The following XXYLT1 variants were observed in gnomAD, a reference collection of about 807,000 sequenced individuals.
XXYLT1 encodes xyloside xylosyltransferase 1.
A neutral mutation model predicts 28.9 loss-of-function variants in XXYLT1; 20 were observed. The ratio of observed to expected loss-of-function variants is 0.69; its 90% confidence interval spans 0.49 to 1.00. The LOEUF is 1.00. Ranked by LOEUF, XXYLT1 falls within the 50% of genes least tolerant of loss-of-function variation. The pLI is 0.00. For synonymous variants in XXYLT1, 257 were observed against 253.8 expected, an observed-to-expected ratio of 1.01 and a Z score of -0.12; for missense variants, 542 against 560.1, an observed-to-expected ratio of 0.97 and a Z score of 0.33.
intron 2 of XXYLT1, among the ~76,000 whole-genome samples, chr3:195,205,411 G>T (rs1723029378): frequency 6.6e-6 from 1 of 152,178 alleles, no homozygotes; most frequent in South Asian, 2.1e-4. Context: ...TATCTCAAAA[G>T]GTTACATACT....
intron 2 of XXYLT1, chr3:195,175,684 T>TAGC: frequency 6.5e-7 from 1 of 1,536,168 alleles, no homozygotes; most frequent in Non-Finnish European, 8.7e-7. Flanking sequence ...GACTAGCTCC[T>TAGC]GGCTGATGGA....
chr3:195,159,021 T>C (rs1033545536), intron 2 of XXYLT1, among the ~76,000 whole-genome samples: 4 of 152,172 alleles, frequency 2.6e-5, no homozygotes, highest in Non-Finnish European at 4.4e-5. Context: ...GCAGAGAAGA[T>C]GCTGGTTGGA....
rs114593037 is a variant in XXYLT1 at position 195,115,421 on chromosome 3, C to T, written c.785+41028G>A. Among the ~76,000 whole-genome samples the T allele has an allele frequency of 9.2e-3, 1,407 of 152,272 alleles. 23 individuals are homozygous for T. The highest frequency in any genetic ancestry group is 0.031 in the African/African-American group (1,295 of 41,550). On this transcript the variant is annotated intron_variant, in intron 3 of 3. Coordinates refer to ENST00000310380, the MANE Select transcript of XXYLT1 (RefSeq NM_152531.5). This position sits in a 1 kb window ranked among gnomAD's most constrained non-coding sequence, Gnocchi z 4.2. ...GCTGCTTCTGAACTAGCCAGGAGTC[C>T]TTCAAAAGGCCCAGCCGGAAACCTG... is the stretch of plus-strand genomic sequence containing the variant.
intron 2 of XXYLT1, among the ~76,000 whole-genome samples, chr3:195,189,814 A>C (rs1463298759): frequency 2.0e-5 from 3 of 152,226 alleles, no homozygotes; most frequent in Non-Finnish European, 4.4e-5. Flanking sequence ...AAAATTTCCC[A>C]AACTTGATGT....
intron 3 of XXYLT1, among the ~76,000 whole-genome samples, chr3:195,110,213 CGTGT>C (rs1394595190): frequency 1.7e-3 from 6 of 3,452 alleles, no homozygotes; most frequent in African/African-American, 3.3e-3. Context: ...GTGGTGTGTG[CGTGT>C]GTGGTGTATA....
chr3:195,117,667 C>T (rs1313646609), intron 3 of XXYLT1, among the ~76,000 whole-genome samples: 1 of 152,148 alleles, frequency 6.6e-6, no homozygotes, highest in Non-Finnish European at 1.5e-5. Context: ...CGCACACATG[C>T]ATGCACACAT....
At position 195,270,884 on chromosome 3, in the gene XXYLT1, G is replaced by A; in HGVS notation, c.175C>T (p.Arg59Cys). 1 of 1,432,220 alleles carries A rather than the reference G, an allele frequency of 7.0e-7. No homozygotes were observed. Among genetic ancestry groups the A allele is most frequent in the Non-Finnish European group, 9.1e-7 (1 of 1,095,786 alleles). 88.7% of individuals were successfully genotyped at this position (1,432,220 alleles called of 1,614,324 possible). A position where few individuals can be genotyped will look rare whatever the true frequency, so the allele number is the denominator to read the frequency against. Reference sequence around the variant, plus strand: ...GAGGGCGCGGCGGGAGCCCCGGCGCGGGCCTCCTTCAGCCTCTTGGTGGCG... The same window carrying A: ...GAGGGCGCGGCGGGAGCCCCGGCGCAGGCCTCCTTCAGCCTCTTGGTGGCG... The part of the protein sequence containing the change: ...SSATKRLKEA[R>C]AGAPAAPSPP... Residue 59 changes from arginine to cysteine, a missense_variant, in exon 1 of 4, where the codon CGC becomes TGC. By Grantham distance (180) the Arg-to-Cys change is radical (BLOSUM62 -3). Coordinates refer to ENST00000310380, the MANE Select transcript of XXYLT1 (RefSeq NM_152531.5).
intron 3 of XXYLT1, among the ~76,000 whole-genome samples, chr3:195,136,303 C>T (rs746060563): frequency 1.7e-4 from 26 of 152,168 alleles, no homozygotes; most frequent in Non-Finnish European, 3.1e-4. Flanking sequence ...CTTTAACATA[C>T]ACCTGTATAC....
chr3:195,146,418 G>A (rs868331442), intron 3 of XXYLT1, among the ~76,000 whole-genome samples: 4 of 152,214 alleles, frequency 2.6e-5, no homozygotes, highest in East Asian at 1.9e-4. Flanking sequence ...ACAGTCCTGC[G>A]GGCCCATCAT....
At chr3:195,203,929 A>G (rs1340093832) in intron 2 of XXYLT1, among the ~76,000 whole-genome samples, 1 of 152,200 alleles carries the variant, frequency 6.6e-6, no homozygotes, top group Non-Finnish European at 1.5e-5. Flanking sequence ...CTGATAACCA[A>G]CTGAGGAAAT....
chr3:195,211,255 G>A (rs140604112), intron 2 of XXYLT1, among the ~76,000 whole-genome samples: 5,897 of 152,090 alleles, frequency 0.039, 157 homozygotes, highest in Non-Finnish European at 0.058. Context: ...TTAGCCGGGC[G>A]TGGTGGCTCA....
At chr3:195,213,167 T>C (rs1723403770) in intron 2 of XXYLT1, among the ~76,000 whole-genome samples, 2 of 152,058 alleles carry the variant, frequency 1.3e-5, no homozygotes, top group Admixed American at 1.3e-4. Context: ...TAGCTTTGGC[T>C]GGAAGGTGAG....
intron 2 of XXYLT1, among the ~76,000 whole-genome samples, chr3:195,219,642 G>C (rs1416432472): frequency 6.6e-6 from 1 of 152,210 alleles, no homozygotes; most frequent in Non-Finnish European, 1.5e-5. Flanking sequence ...GAAGCATCCA[G>C]TGTCAACTAC....
intron 3 of XXYLT1, among the ~76,000 whole-genome samples, chr3:195,083,843 C>T (rs1270025508): frequency 1.3e-5 from 2 of 152,050 alleles, no homozygotes; most frequent in Non-Finnish European, 2.9e-5. Flanking sequence ...CCGGCCAACA[C>T]AGCAAAACTC....
chr3:195,256,459 C>G lies in XXYLT1; in HGVS notation c.504+14096G>C. 2 of 985,086 alleles carry G rather than the reference C, an allele frequency of 2.0e-6. 1 individual carries two copies. Among genetic ancestry groups the G allele is most frequent in the African/African-American group, 3.5e-5 (2 of 57,354 alleles). The allele number at this position is 985,086 out of a possible 1,614,324, so 61.0% of individuals were successfully genotyped here. The stretch of plus-strand genomic sequence containing the variant: ...ACAGGGCAGGGCCCGAGAAACGAAC[C>G]AGTACCTCCCAGAGGACGGAAGGGA... On this transcript the variant is annotated intron_variant, in intron 1 of 3. Coordinates refer to ENST00000310380, the MANE Select transcript of XXYLT1 (RefSeq NM_152531.5). The surrounding 1 kb of genome is among the most constrained non-coding windows in gnomAD (Gnocchi z 4.2).
At chr3:195,117,660 A>G (rs1718119905) in intron 3 of XXYLT1, among the ~76,000 whole-genome samples, 2 of 152,170 alleles carry the variant, frequency 1.3e-5, no homozygotes, top group Admixed American at 1.3e-4. Context: ...TCTCTCACGC[A>G]CACATGCATG....
intron 2 of XXYLT1, among the ~76,000 whole-genome samples, chr3:195,177,036 G>T (rs1193498053): frequency 6.6e-6 from 1 of 152,188 alleles, no homozygotes; most frequent in African/African-American, 2.4e-5. Context: ...ACCAGCCAGG[G>T]GTTACTCCAG....
intron 2 of XXYLT1, among the ~76,000 whole-genome samples, chr3:195,214,515 C>A (rs1475654631): frequency 6.6e-6 from 1 of 152,124 alleles, no homozygotes; most frequent in Non-Finnish European, 1.5e-5. Context: ...TGGGAACCAG[C>A]ATGCACCGTC....
intron 3 of XXYLT1, among the ~76,000 whole-genome samples, chr3:195,120,689 G>A (rs1223702457): frequency 6.6e-6 from 1 of 152,214 alleles, no homozygotes; most frequent in African/African-American, 2.4e-5. Context: ...CTCTGAGAGT[G>A]AAACCCATTT....
Sources: allele counts gnomAD v4.1 joint callset (sites outside exome capture counted in the v4.1 genomes callset), GRCh38; gene constraint gnomAD v4.1.1; non-coding constraint Gnocchi (gnomAD v3.1); transcripts MANE v1.5; gene names NCBI Gene and HGNC (gene_info 2026-07-23, HGNC 2026-07-21).